Variants in EYS observed in about 807,000 individuals in gnomAD.
The protein encoded by EYS is protein eyes shut homolog.
EYS carries 250 observed loss-of-function variants against 282.1 expected under a neutral mutation model. The observed-to-expected ratio is 0.89, with a 90% CI of 0.80 to 0.98. The LOEUF is 0.98. Ranked by LOEUF, EYS falls within the 50% of genes least tolerant of loss-of-function variation. The probability of loss-of-function intolerance (pLI) is 0.00; values close to 1 mark genes in which losing one functional copy is unlikely to be tolerated. For synonymous variants in EYS, 1,355 were observed against 1,282.9 expected, an observed-to-expected ratio of 1.06 and a Z score of -1.20; for missense variants, 4,016 against 3,709.0, an observed-to-expected ratio of 1.08 and a Z score of -2.15.
intron 31 of EYS, among the ~76,000 whole-genome samples, chr6:64,157,139 C>T (rs1025895089): frequency 5.4e-5 from 8 of 148,270 alleles, no homozygotes; most frequent in South Asian, 2.2e-4. Flanking sequence ...TGAGAATATG[C>T]GGTGTTTGGT....
intron 12 of EYS, among the ~76,000 whole-genome samples, chr6:65,261,204 A>T (rs1167439547): frequency 6.6e-6 from 1 of 151,998 alleles, no homozygotes; most frequent in Non-Finnish European, 1.5e-5. Flanking sequence ...ATCAAGAAAA[A>T]AGTTTAATCA....
At chr6:64,869,201 C>T (rs1225594664) in intron 19 of EYS, among the ~76,000 whole-genome samples, 1 of 151,516 alleles carries the variant, frequency 6.6e-6, no homozygotes, top group African/African-American at 2.4e-5. Flanking sequence ...GAAATAACTA[C>T]CATGTTCCAT....
chr6:65,105,093 G>A (rs1457308656), intron 12 of EYS, among the ~76,000 whole-genome samples: 3 of 151,344 alleles, frequency 2.0e-5, no homozygotes, highest in African/African-American at 4.8e-5. Context: ...GATATAAAAT[G>A]TTTCCTTTTA....
intron 29 of EYS, among the ~76,000 whole-genome samples, chr6:64,359,955 T>C (rs1771951685): frequency 6.6e-6 from 1 of 151,640 alleles, no homozygotes; most frequent in African/African-American, 2.4e-5. Flanking sequence ...CATATACCAA[T>C]CCAGTCACTA....
intron 2 of EYS, among the ~76,000 whole-genome samples, chr6:65,554,196 A>G (rs1034046580): frequency 9.8e-5 from 15 of 152,298 alleles, no homozygotes; most frequent in African/African-American, 3.6e-4. Flanking sequence ...GTTGTTTATA[A>G]GCCATCCAGG....
At chr6:63,844,590 A>G (rs1025080238) in intron 36 of EYS, among the ~76,000 whole-genome samples, 6 of 149,540 alleles carry the variant, frequency 4.0e-5, no homozygotes, top group South Asian at 2.1e-4. Flanking sequence ...TTTGATTTGC[A>G]TTTCTCTAAT....
At chr6:65,572,607 C>T (rs1764517145) in intron 2 of EYS, among the ~76,000 whole-genome samples, 1 of 151,798 alleles carries the variant, frequency 6.6e-6, no homozygotes, top group South Asian at 2.1e-4. Flanking sequence ...AATAATGAAC[C>T]GTATATAAGA....
intron 12 of EYS, among the ~76,000 whole-genome samples, chr6:65,090,883 G>T (rs927090093): frequency 2.4e-4 from 37 of 152,016 alleles, no homozygotes; most frequent in Non-Finnish European, 4.9e-4. Context: ...ATACTAACCT[G>T]TCATAAGGTC....
At chr6:64,914,907 A>T (rs59078191) in intron 15 of EYS, among the ~76,000 whole-genome samples, 1,636 of 152,164 alleles carry the variant, frequency 0.011, 26 homozygotes, top group African/African-American at 0.038. Context: ...TTATGACTGA[A>T]ACAATTCATA....
In EYS at chr6:64,307,073, G is replaced by C; in HGVS notation, c.6088C>G (p.Pro2030Ala). The change falls in exon 30 of 43, where the codon CCA becomes GCA. Residue 2030 changes from proline to alanine, a missense_variant. By Grantham distance (27) the Pro-to-Ala change is conservative (BLOSUM62 -1). Coordinates refer to ENST00000503581, the MANE Select transcript of EYS (RefSeq NM_001142800.2). ...ATGCAGCCAGTAAAATTCTTGACTG[G>C]TACAGGCATCTGAGAGAGAGAGAGA... is the stretch of plus-strand genomic sequence containing the variant. ...DLHGKIQMPV[P>A]VKNFTGCIEV... 3 of 1,416,710 alleles carry C rather than the reference G, an allele frequency of 2.1e-6. No individual in the cohort carries two copies. Among genetic ancestry groups the C allele is most frequent in the Non-Finnish European group, 2.9e-6 (3 of 1,036,220 alleles). The allele number at this position is 1,416,710 out of a possible 1,614,324, so 87.8% of individuals were successfully genotyped here. A position where few individuals can be genotyped will look rare whatever the true frequency, so the allele number is the denominator to read the frequency against.
At chr6:64,075,577 CT>C (rs1272619686) in intron 32 of EYS, among the ~76,000 whole-genome samples, 10 of 151,914 alleles carry the variant, frequency 6.6e-5, no homozygotes, top group Admixed American at 3.9e-4. Context: ...TTTTCCTACT[CT>C]CCCATTTTTG....
intron 22 of EYS, among the ~76,000 whole-genome samples, chr6:64,668,714 G>A (rs1035143183): frequency 6.6e-5 from 10 of 151,472 alleles, no homozygotes; most frequent in South Asian, 4.2e-4. Flanking sequence ...ACAGGTACCC[G>A]CCACCACGCC....
Position 65,333,962 on chromosome 6 carries a change from G to A in EYS, c.1766+1018C>T, listed in dbSNP as rs138778399. ...GCTTATTTGTATCTTTGAATCTAAA[G>A]TGTCTTCCGTAAACCATATATATAT... On this transcript the variant is annotated intron_variant, in intron 11 of 42. Coordinates refer to ENST00000503581, the MANE Select transcript of EYS (RefSeq NM_001142800.2). Among the ~76,000 whole-genome samples the A allele has an allele frequency of 9.8e-3, 1,481 of 150,610 alleles. 28 individuals carry two copies. Among genetic ancestry groups the A allele is most frequent in the African/African-American group, 0.034 (1,390 of 40,958 alleles).
intron 35 of EYS, among the ~76,000 whole-genome samples, chr6:63,912,509 G>A (rs949262084): frequency 3.9e-5 from 6 of 152,146 alleles, no homozygotes; most frequent in East Asian, 1.9e-4. Context: ...TGTCCAGTGT[G>A]TATTTTACAC....
chr6:65,097,669 T>C (rs1030978195), intron 12 of EYS, among the ~76,000 whole-genome samples: 6 of 150,794 alleles, frequency 4.0e-5, no homozygotes, highest in Non-Finnish European at 8.9e-5. Flanking sequence ...TTATTCAGTC[T>C]TGAAGAAGAA....
intron 35 of EYS, among the ~76,000 whole-genome samples, chr6:63,875,092 G>A (rs906759057): frequency 6.6e-6 from 1 of 152,146 alleles, no homozygotes; most frequent in Non-Finnish European, 1.5e-5. Context: ...CATTCAGTAT[G>A]ATATTGGCTG....
intron 14 of EYS, among the ~76,000 whole-genome samples, chr6:64,967,668 T>C (rs189738478): frequency 1.3e-5 from 2 of 152,198 alleles, no homozygotes; most frequent in African/African-American, 4.8e-5. Flanking sequence ...CACCATATGC[T>C]CCCACTACAC....
chr6:64,106,638 G>GTGTGTGTC (rs1252559297), intron 31 of EYS, among the ~76,000 whole-genome samples: 3 of 151,892 alleles, frequency 2.0e-5, no homozygotes, highest in African/African-American at 7.2e-5. Context: ...GTGTGTGTGT[G>GTGTGTGTC]TGTGTGTCTG....
chr6:65,064,564 T>C (rs1414300683), intron 12 of EYS, among the ~76,000 whole-genome samples: 1 of 147,798 alleles, frequency 6.8e-6, no homozygotes, highest in East Asian at 2.0e-4. Flanking sequence ...CTCTGCTATA[T>C]ACTATATATA....
Sources: allele counts gnomAD v4.1 joint callset (sites outside exome capture counted in the v4.1 genomes callset), GRCh38; gene constraint gnomAD v4.1.1; transcripts MANE v1.5; gene names NCBI Gene and HGNC (gene_info 2026-07-23, HGNC 2026-07-21).